Variants in GNA14 observed in about 807,000 individuals in gnomAD.
The protein encoded by GNA14 is guanine nucleotide-binding protein subunit alpha-14.
In GNA14, 50 loss-of-function variants were observed where a neutral mutation model predicts 42.0. The ratio of observed to expected loss-of-function variants is 1.19; its 90% CI spans 0.95 to 1.51. The LOEUF is 1.51. GNA14 is among the 40% of genes most tolerant of loss of function. The probability of loss-of-function intolerance (pLI) is 0.00; values close to 1 mark genes in which losing one functional copy is unlikely to be tolerated. For synonymous variants in GNA14, 173 were observed against 163.1 expected, an observed-to-expected ratio of 1.06 and a Z score of -0.46; for missense variants, 473 against 446.2, an observed-to-expected ratio of 1.06 and a Z score of -0.54.
chr9:77,476,293 G>C (rs1373894099), intron 2 of GNA14, among the ~76,000 whole-genome samples: 1 of 152,138 alleles, frequency 6.6e-6, no homozygotes, highest in Non-Finnish European at 1.5e-5. Flanking sequence ...AAATAGCACA[G>C]AATATCAGAG....
intron 1 of GNA14, among the ~76,000 whole-genome samples, chr9:77,588,441 A>T (rs551609353): frequency 5.9e-5 from 9 of 152,344 alleles, no homozygotes; most frequent in African/African-American, 1.9e-4. Context: ...AGAATGACTA[A>T]GGAAATCTGC....
At chr9:77,493,018 A>ATATATATAT (rs1322242402) in intron 2 of GNA14, among the ~76,000 whole-genome samples, 78 of 88,832 alleles carry the variant, frequency 8.8e-4, no homozygotes, top group Non-Finnish European at 1.4e-3. Flanking sequence ...AAAAAAAAAA[A>ATATATATAT]AAAAAAAAAT....
At chr9:77,444,208 C>T (rs921117042) in intron 2 of GNA14, among the ~76,000 whole-genome samples, 3 of 152,202 alleles carry the variant, frequency 2.0e-5, no homozygotes, top group African/African-American at 4.8e-5. Flanking sequence ...TGGAAAGAGA[C>T]TTGCAAGGCA....
At chr9:77,448,610 T>A (rs906261846) in intron 2 of GNA14, among the ~76,000 whole-genome samples, 8 of 152,202 alleles carry the variant, frequency 5.3e-5, no homozygotes, top group African/African-American at 1.9e-4. Context: ...TAGGAGCATC[T>A]ATATAGTCTG....
chr9:77,554,135 T>C (rs531208362), intron 1 of GNA14, among the ~76,000 whole-genome samples: 26 of 152,252 alleles, frequency 1.7e-4, no homozygotes, highest in Middle Eastern at 3.4e-3. Flanking sequence ...ATTGGCCTCA[T>C]CTGGGAAACG....
intron 2 of GNA14, among the ~76,000 whole-genome samples, chr9:77,461,824 C>T (rs1836112560): frequency 6.6e-6 from 1 of 152,160 alleles, no homozygotes; most frequent in East Asian, 1.9e-4. Context: ...TTCTCCTGAG[C>T]AAGAGTAAAA....
intron 1 of GNA14, among the ~76,000 whole-genome samples, chr9:77,560,467 TTTTG>T (rs927775145): frequency 1.3e-5 from 2 of 152,064 alleles, no homozygotes; most frequent in South Asian, 4.2e-4. Context: ...TTATGTTGTT[TTTTG>T]TTTGTTTGTT....
At chr9:77,558,209 C>T (rs1454265262) in intron 1 of GNA14, among the ~76,000 whole-genome samples, 1 of 152,104 alleles carries the variant, frequency 6.6e-6, no homozygotes, top group East Asian at 1.9e-4. Flanking sequence ...GGGTTCTTAA[C>T]AAAGAAGCAT....
intron 1 of GNA14, among the ~76,000 whole-genome samples, chr9:77,538,941 A>C (rs890135703): frequency 6.6e-6 from 1 of 152,228 alleles, no homozygotes; most frequent in Admixed American, 6.5e-5. Context: ...AAATAAGCTT[A>C]TATCACCCAC....
intron 1 of GNA14, among the ~76,000 whole-genome samples, chr9:77,621,880 G>T (rs1823929549): frequency 6.6e-6 from 1 of 152,168 alleles, no homozygotes; most frequent in Non-Finnish European, 1.5e-5. Flanking sequence ...TATTGTTTAT[G>T]ACTAGTGCTT....
chr9:77,535,391 A>C (rs1837582421), intron 1 of GNA14, among the ~76,000 whole-genome samples: 1 of 152,124 alleles, frequency 6.6e-6, no homozygotes, highest in Non-Finnish European at 1.5e-5. Flanking sequence ...AAAAATACAA[A>C]AAATTAGCCG....
At chr9:77,641,098 GGGGAAGGAAGGAAGGAAGGAAGGAAGGAA>G (rs1824256750) in intron 1 of GNA14, among the ~76,000 whole-genome samples, 1 of 17,664 alleles carries the variant, frequency 5.7e-5, no homozygotes, top group Non-Finnish European at 8.0e-5. Context: ...AGGGGAGGGG[GGGGAAGGAAGGAAGGAAGGAAGGAAGGAA>G]GGAAGGAAGG....
chr9:77,469,386 AAAG>A (rs1457157931), intron 2 of GNA14, among the ~76,000 whole-genome samples: 214 of 148,948 alleles, frequency 1.4e-3, no homozygotes, highest in Middle Eastern at 3.4e-3. Flanking sequence ...AAAAAAAAAA[AAAG>A]AACTTTCCAG....
chr9:77,580,388 G>T (rs1041072096), intron 1 of GNA14: 4 of 314,382 alleles, frequency 1.3e-5, no homozygotes. Flanking sequence ...AATGACAGGG[G>T]AAAGCTGCCA....
At chr9:77,587,231 ATAGTT>A (rs1823320357) in intron 1 of GNA14, among the ~76,000 whole-genome samples, 1 of 152,194 alleles carries the variant, frequency 6.6e-6, no homozygotes, top group Admixed American at 6.5e-5. Context: ...GTTATGGAAA[ATAGTT>A]TGGCAGTTTC....
At chr9:77,626,383 G>A (rs147111078) in intron 1 of GNA14, among the ~76,000 whole-genome samples, 2,738 of 152,110 alleles carry the variant, frequency 0.018, 71 homozygotes, top group African/African-American at 0.061. Context: ...TGGACAAAGC[G>A]GACCTAATAG....
At chr9:77,618,620 A>ATATATAT (rs1564067879) in intron 1 of GNA14, among the ~76,000 whole-genome samples, 1 of 10,422 alleles carries the variant, frequency 9.6e-5, no homozygotes, top group African/African-American at 4.4e-4. Flanking sequence ...ATATATATAT[A>ATATATAT]TTTTTTTTTT....
intron 2 of GNA14, among the ~76,000 whole-genome samples, chr9:77,479,311 T>C (rs1836497581): frequency 6.6e-6 from 1 of 152,226 alleles, no homozygotes; most frequent in African/African-American, 2.4e-5. Context: ...TTTGTCAGGT[T>C]TGTCAAAGAT....
intron 1 of GNA14, among the ~76,000 whole-genome samples, chr9:77,601,090 C>T (rs1043590944): frequency 4.6e-5 from 7 of 152,248 alleles, no homozygotes; most frequent in African/African-American, 1.7e-4. Flanking sequence ...GTGGGCTCTT[C>T]AGCTCGTGTG....
Sources: gnomAD v4.1 joint callset for allele counts (sites outside exome capture counted in the v4.1 genomes callset) on GRCh38, gnomAD v4.1.1 for gene constraint, MANE v1.5 for transcripts, NCBI Gene and HGNC (gene_info 2026-07-23, HGNC 2026-07-21) for gene names.